DCHS2: variants seen among roughly 807,000 people sequenced by gnomAD.
DCHS2 encodes the protein dachsous cadherin-related 2.
A neutral mutation model predicts 182.4 loss-of-function variants in DCHS2; 142 were observed. The ratio of observed to expected loss-of-function variants is 0.78; its 90% CI spans 0.68 to 0.89. DCHS2 has a LOEUF of 0.89. Among genes scored for constraint, DCHS2 ranks in the 40% least tolerant of loss-of-function variants. The pLI is 0.00. For synonymous variants in DCHS2, 1,740 were observed against 1,663.3 expected, an observed-to-expected ratio of 1.05 and a Z score of -1.12; for missense variants, 4,319 against 4,198.6, an observed-to-expected ratio of 1.03 and a Z score of -0.79.
intron 1 of DCHS2, among the ~76,000 whole-genome samples, chr4:154,464,879 C>A (rs534351886): frequency 4.7e-4 from 72 of 152,266 alleles, no homozygotes; most frequent in African/African-American, 1.7e-3. Flanking sequence ...ACCACAACTT[C>A]CGCCCTTGCA....
intron 2 of DCHS2, among the ~76,000 whole-genome samples, chr4:154,375,063 A>T (rs984614221): frequency 2.0e-5 from 3 of 152,148 alleles, no homozygotes; most frequent in African/African-American, 7.2e-5. Flanking sequence ...TAGTTAAGAG[A>T]GATGTTGCTA....
intron 5 of DCHS2, chr4:154,331,761 T>C (rs764597995): frequency 4.5e-6 from 7 of 1,572,536 alleles, no homozygotes; most frequent in South Asian, 1.2e-5. Flanking sequence ...TCCATGACTT[T>C]GGGTGTACTA....
rs1358362254 is a variant in DCHS2, at chr4:154,315,766, C to T, written c.5242G>A (p.Ala1748Thr). The T allele has an allele frequency of 6.2e-7, 1 of 1,614,024 alleles. No individual in the cohort carries two copies. The highest frequency in any genetic ancestry group is 8.5e-7 in the Non-Finnish European group (1 of 1,179,970). Residue 1748 changes from alanine to threonine, a missense_variant, in exon 10 of 20, where the codon GCT becomes ACT. Transcript: ENST00000357232. ...NPGEFVTRVE[A>T]LDRDSGVNSK... is the part of the protein sequence containing the mutation. Reference sequence around the variant, plus strand: ...AAATTACCTGAATCTCTGTCCAGAGCTTCAACCCTGGTAACAAACTCCCCT... The same window carrying T: ...AAATTACCTGAATCTCTGTCCAGAGTTTCAACCCTGGTAACAAACTCCCCT...
chr4:154,317,759 A>G (rs1735913933), intron 9 of DCHS2, among the ~76,000 whole-genome samples: 1 of 152,220 alleles, frequency 6.6e-6, no homozygotes, highest in East Asian at 1.9e-4. Context: ...AAAAACATAT[A>G]ATAGATGTTA....
chr4:154,255,780 TA>T, intron 15 of DCHS2, 110 bp from the exon 16 acceptor site: 1 of 1,390,484 alleles, frequency 7.2e-7, no homozygotes, highest in East Asian at 2.6e-5. Context: ...AAACATATTT[TA>T]AAAACAACGA....
chr4:154,334,068 C>A (rs1012121968), intron 4 of DCHS2: 1 of 152,790 alleles, frequency 6.5e-6, no homozygotes, highest in Non-Finnish European at 1.5e-5. Flanking sequence ...CTTCCTTCAT[C>A]CCTCTTGCAT....
chr4:154,385,587 A>T (rs1475916196), intron 1 of DCHS2, among the ~76,000 whole-genome samples: 2 of 152,100 alleles, frequency 1.3e-5, no homozygotes, highest in Non-Finnish European at 2.9e-5. Flanking sequence ...TCCTGGGTTC[A>T]AGCGATTCTC....
chr4:154,406,001 T>C (rs958984298), intron 1 of DCHS2, among the ~76,000 whole-genome samples: 1 of 152,256 alleles, frequency 6.6e-6, no homozygotes, highest in African/African-American at 2.4e-5. Flanking sequence ...GGTGTGGGTT[T>C]TCTGTAATCT....
rs1265898416 is a variant in DCHS2, at chr4:154,310,989, T to TGCACAAAGGAGACCGTAAAGC, written c.5260+4738_5260+4758dup. The stretch of plus-strand genomic sequence containing the variant: ...TGCTGTCTTGCTATAGTGTCAGAGT[T>TGCACAAAGGAGACCGTAAAGC]GCACAAAGGAGACCGTAAAGCACAC... On this transcript the variant is annotated intron_variant, in intron 10 of 19. Coordinates refer to ENST00000357232, the MANE Select transcript of DCHS2 (RefSeq NM_001358235.2). 2.2e-4 allele frequency among the ~76,000 whole-genome samples: 33 copies of TGCACAAAGGAGACCGTAAAGC among 152,314 alleles called. No homozygotes were observed. In the East Asian group the frequency reaches 6.0e-3, roughly 28 times the overall value.
chr4:154,281,424 AT>A (rs1734139447), intron 13 of DCHS2, among the ~76,000 whole-genome samples: 1 of 152,140 alleles, frequency 6.6e-6, no homozygotes, highest in Non-Finnish European at 1.5e-5. Context: ...AAACAATACC[AT>A]TTACAACATC....
Position 154,298,354 on chromosome 4 carries a change from C to G in DCHS2, c.5960G>C (p.Gly1987Ala), listed in dbSNP as rs1202854486. 2.5e-6 allele frequency: 4 copies of G among 1,614,008 alleles called. No individual in the cohort carries two copies. The highest frequency in any genetic ancestry group is 2.7e-5 in the African/African-American group (2 of 74,910). Residue 1987 changes from glycine (G) to alanine (A), a missense_variant, in exon 13 of 20, where the codon GGC (glycine) becomes GCC (alanine). By Grantham distance (60) the Gly-to-Ala change is moderately conservative. Transcript: ENST00000357232. ...SGAFTIDPMS[G>A]TLKTSNTLDR... is the part of the protein sequence containing the mutation. ...GAGGGTGTTGCTGGTTTTCAATGTG[C>G]CTGACATAGGATCAATGGTGAATGC...
intron 13 of DCHS2, among the ~76,000 whole-genome samples, chr4:154,293,705 C>T (rs1466428560): frequency 1.3e-5 from 2 of 152,282 alleles, no homozygotes; most frequent in South Asian, 2.1e-4. Flanking sequence ...CTCCAGGGTA[C>T]ACTCCACACA....
chr4:154,464,855 A>G (rs1735172274), intron 1 of DCHS2, among the ~76,000 whole-genome samples: 1 of 152,152 alleles, frequency 6.6e-6, no homozygotes, highest in Non-Finnish European at 1.5e-5. Context: ...GCTGTTCCTG[A>G]GGAGTAAAGC....
intron 10 of DCHS2, among the ~76,000 whole-genome samples, chr4:154,312,289 A>C (rs1026432667): frequency 6.6e-6 from 1 of 152,188 alleles, no homozygotes; most frequent in Admixed American, 6.5e-5. Flanking sequence ...AATCCTATGG[A>C]TCTCCTTATG....
At chr4:154,246,716 A>G (rs989784349) in intron 16 of DCHS2, among the ~76,000 whole-genome samples, 2 of 152,142 alleles carry the variant, frequency 1.3e-5, no homozygotes, top group Admixed American at 1.3e-4. Flanking sequence ...CAAACATCAA[A>G]GAAGAGCTTT....
At chr4:154,407,171 T>A (rs1249870843) in intron 1 of DCHS2, among the ~76,000 whole-genome samples, 1 of 152,208 alleles carries the variant, frequency 6.6e-6, no homozygotes, top group Non-Finnish European at 1.5e-5. Flanking sequence ...GACTCAGGCA[T>A]CTTTCGCTTG....
In DCHS2 at chr4:154,235,154, T is replaced by C. The variant is rs752779419; in HGVS notation, c.9498A>G (p.Glu3166=). 1.9e-6 allele frequency: 3 copies of C among 1,614,046 alleles called. No individual in the cohort carries two copies. Among genetic ancestry groups the C allele is most frequent in the African/African-American group, 1.3e-5 (1 of 75,042 alleles). ...ETAEASQTFG[E]GDQGEGCSTT... ...TGCTGCAGCCTTCCCCTTGATCTCCTTCCCCAAATGTTTGGCTGGCTTCTG... is the reference window on the plus strand; with the variant it reads ...TGCTGCAGCCTTCCCCTTGATCTCCCTCCCCAAATGTTTGGCTGGCTTCTG... Residue 3166 remains glutamate, a synonymous_variant, in exon 20 of 20, where the codon GAA becomes GAG. Transcript: ENST00000357232.
intron 13 of DCHS2, chr4:154,272,149 T>A (rs188078257): frequency 2.4e-4 from 37 of 152,268 alleles, no homozygotes; most frequent in Admixed American, 7.2e-4. Flanking sequence ...AAACCACAAT[T>A]TCTTTTTCAT....
chr4:154,440,097 C>T (rs1397666711), intron 1 of DCHS2, among the ~76,000 whole-genome samples: 1 of 152,194 alleles, frequency 6.6e-6, no homozygotes, highest in Non-Finnish European at 1.5e-5. Context: ...CCACATCTGT[C>T]TACACTTGTA....
Sources: allele counts gnomAD v4.1 joint callset (sites outside exome capture counted in the v4.1 genomes callset), GRCh38; gene constraint gnomAD v4.1.1; transcripts MANE v1.5; gene names NCBI Gene and HGNC (gene_info 2026-07-23, HGNC 2026-07-21).